WIPI2: variants seen among roughly 807,000 people sequenced by gnomAD.
The protein encoded by WIPI2 is WD repeat domain, phosphoinositide interacting 2, also known as WD repeat domain phosphoinositide-interacting protein 2.
Under a neutral mutation model 52.3 loss-of-function variants are expected in WIPI2, and 28 were observed. That is an observed-to-expected ratio of 0.54 (90% CI 0.40 to 0.73). The LOEUF (loss-of-function observed/expected upper bound fraction) is 0.73. WIPI2 is among the 30% of genes least tolerant of loss of function. The pLI is 0.00. For missense variants in WIPI2, 506 were observed against 602.9 expected (o/e 0.84, Z 1.68); for synonymous variants, 268 against 245.0 (o/e 1.09, Z -0.88).
At chr7:5,211,890 C>A (rs1782580348) in intron 3 of WIPI2, among the ~76,000 whole-genome samples, 1 of 152,178 alleles carries the variant, frequency 6.6e-6, no homozygotes, top group Admixed American at 6.5e-5. Flanking sequence ...CCAGTACTCA[C>A]CAAGGTTGCA....
intron 3 of WIPI2, among the ~76,000 whole-genome samples, chr7:5,212,638 C>G (rs1057254731): frequency 1.3e-5 from 2 of 152,170 alleles, no homozygotes; most frequent in East Asian, 1.9e-4. Context: ...GGATCAGGCA[C>G]TCTTCCTACC....
chr7:5,229,077 G>A (rs1165190624), intron 11 of WIPI2, among the ~76,000 whole-genome samples: 3 of 152,204 alleles, frequency 2.0e-5, no homozygotes, highest in African/African-American at 4.8e-5. Context: ...GTACAGTGGC[G>A]CGATCTCGGC....
In WIPI2 at chr7:5,230,578, C is replaced by G. The variant is rs1323109808; in HGVS notation, c.1253-257C>G. Among the ~76,000 whole-genome samples, 12 of 152,122 alleles carry G rather than the reference C, an allele frequency of 7.9e-5. No individual in the cohort carries two copies. Among genetic ancestry groups the G allele is most frequent in the Admixed American group, 7.9e-4 (12 of 15,270 alleles). Reference sequence around the variant, plus strand: ...AACCAGCTTGAGAGAGTTTGTGGCCCGTCCATGAGGGAGCCTCTGTTTACT... The same window carrying G: ...AACCAGCTTGAGAGAGTTTGTGGCCGGTCCATGAGGGAGCCTCTGTTTACT... On this transcript the variant is annotated intron_variant, in intron 12 of 12. Coordinates refer to ENST00000288828, the MANE Select transcript of WIPI2 (RefSeq NM_015610.4). The surrounding 1 kb of genome is among the most constrained non-coding windows in gnomAD (Gnocchi z 4.8).
intron 3 of WIPI2, among the ~76,000 whole-genome samples, chr7:5,208,990 A>G (rs527607079): frequency 8.1e-5 from 11 of 135,358 alleles, no homozygotes; most frequent in Middle Eastern, 4.0e-3. Flanking sequence ...CTCTTTTTAA[A>G]TTTGTTTTGG....
chr7:5,211,424 A>G lies in WIPI2; in HGVS notation c.212-3111A>G, dbSNP rs187581154. Among the ~76,000 whole-genome samples, 641 of 152,350 alleles carry G rather than the reference A, an allele frequency of 4.2e-3. 13 individuals carry two copies. Among genetic ancestry groups the G allele is most frequent in the East Asian group, 2.7e-3 (14 of 5,190 alleles). On this transcript the variant is annotated intron_variant, in intron 3 of 12. Coordinates refer to ENST00000288828, the MANE Select transcript of WIPI2 (RefSeq NM_015610.4). Reference sequence around the variant, plus strand: ...AAGGCAGAGGTTGCAGTGAGTCGAGATCACGCCATTGCACTCCAGCCTGGG... The same window carrying G: ...AAGGCAGAGGTTGCAGTGAGTCGAGGTCACGCCATTGCACTCCAGCCTGGG...
At chr7:5,217,305 G>T in intron 6 of WIPI2, 118 bp downstream of exon 6, 1 of 1,003,820 alleles carries the variant, frequency 1.0e-6, no homozygotes, top group Non-Finnish European at 1.5e-6. Context: ...GCACTTTTTT[G>T]TTTGTTTGTT....
At chr7:5,213,993 G>A (rs936921611) in intron 3 of WIPI2, among the ~76,000 whole-genome samples, 1 of 152,162 alleles carries the variant, frequency 6.6e-6, no homozygotes, top group African/African-American at 2.4e-5. Flanking sequence ...CCCCTTCAGG[G>A]CATTTCTTAG....
At chr7:5,221,267 C>A (rs1470285910) in intron 7 of WIPI2, among the ~76,000 whole-genome samples, 2 of 152,000 alleles carry the variant, frequency 1.3e-5, no homozygotes, top group African/African-American at 4.8e-5. Context: ...GGCCCACACC[C>A]AGCTAATTCT....
chr7:5,206,524 T>G (rs1370224778), intron 3 of WIPI2, among the ~76,000 whole-genome samples: 1 of 152,258 alleles, frequency 6.6e-6, no homozygotes, highest in Non-Finnish European at 1.5e-5. Flanking sequence ...CTGCTTTTTC[T>G]CATTAACATT....
Position 5,229,713 on chromosome 7 carries a change from C to T in WIPI2, c.1227C>T (p.Tyr409=), listed in dbSNP as rs766283186. Residue 409 remains tyrosine (Y), a synonymous_variant, in exon 12 of 13, where the codon TAC becomes TAT. Coordinates refer to ENST00000288828, the MANE Select transcript of WIPI2 (RefSeq NM_015610.4). ...GCGCAGCTGCAGGAAAAGGTACTTA[C>T]GTGCCTTCATCCCCAACGAGACTTG... ...TYGAAAGKGT[Y]VPSSPTRLAY... The T allele has an allele frequency of 1.2e-5, 20 of 1,613,896 alleles. No homozygotes were observed. The highest frequency in any genetic ancestry group is 2.2e-5 in the East Asian group (1 of 44,894).
chr7:5,203,302 C>G (rs1215966840), intron 3 of WIPI2, among the ~76,000 whole-genome samples: 4 of 152,222 alleles, frequency 2.6e-5, no homozygotes, highest in Non-Finnish European at 4.4e-5. Context: ...TGGCCTAAAT[C>G]TGTGGTGCTG....
chr7:5,227,268 A>G lies in WIPI2; in HGVS notation c.937A>G (p.Met313Val). The change falls in exon 10 of 13, where the codon ATG becomes GTG. Residue 313 changes from methionine to valine, a missense_variant. Met to Val is a conservative substitution (Grantham distance 21). Around this residue, in one of 4 missense-constraint regions of WIPI2, gnomAD observed 237 missense variants for 346.9 expected, o/e 0.68. Transcript: ENST00000288828. The surrounding 1 kb of genome is among the most constrained non-coding windows in gnomAD (Gnocchi z 8.1). ...TSYLPSQVTE[M>V]FNQGRAFATV... ...CTACCTGCCTTCCCAAGTGACAGAA[A>G]TGTTCAACCAGGGCAGAGCCTTCGC... 1 of 1,613,802 alleles carries G rather than the reference A, an allele frequency of 6.2e-7. No individual in the cohort carries two copies. The highest frequency in any genetic ancestry group is 8.5e-7 in the Non-Finnish European group (1 of 1,180,034).
chr7:5,222,823 G>A lies in WIPI2; in HGVS notation c.740+151G>A, dbSNP rs868269434. On this transcript the variant is annotated intron_variant, in intron 8 of 12. Coordinates refer to ENST00000288828, the MANE Select transcript of WIPI2 (RefSeq NM_015610.4). ...GTCACCGGGTAAGATCTGGGCGTCG[G>A]TCTTGTCATGGGAATTGAAGAGCAC... 9 of 727,378 alleles carry A rather than the reference G, an allele frequency of 1.2e-5. No individual in the cohort carries two copies. In the Middle Eastern group the frequency reaches 2.3e-3, roughly 183 times the overall value. The allele number at this position is 727,378 out of a possible 1,614,324, so 45.1% of individuals were successfully genotyped here.
intron 8 of WIPI2, among the ~76,000 whole-genome samples, chr7:5,225,475 G>A (rs976383198): frequency 6.6e-6 from 1 of 152,086 alleles, no homozygotes; most frequent in Admixed American, 6.6e-5. Flanking sequence ...TGAGGTTGCC[G>A]ATTTACCCTC....
rs147331381 is a variant in WIPI2 at position 5,227,552 on chromosome 7, G to T, written c.1013+208G>T. Among the ~76,000 whole-genome samples the T allele has an allele frequency of 1.3e-5, 2 of 152,196 alleles. No homozygotes were observed. The highest frequency in any genetic ancestry group is 4.8e-5 in the African/African-American group (2 of 41,450). The stretch of plus-strand genomic sequence containing the variant: ...GGGGTCCATTTCCAGACGGGCTCCC[G>T]TTCTGTTTTTGTGGATAGTCTGCGG... On this transcript the variant is annotated intron_variant, in intron 10 of 12. Coordinates refer to ENST00000288828, the MANE Select transcript of WIPI2 (RefSeq NM_015610.4). This position sits in a 1 kb window ranked among gnomAD's most constrained non-coding sequence, Gnocchi z 8.1.
At chr7:5,217,825 T>C (rs1782897960) in intron 6 of WIPI2, 97 bp from the exon 7 acceptor site, 1 of 1,175,160 alleles carries the variant, frequency 8.5e-7, no homozygotes, top group South Asian at 1.2e-5. Context: ...AATGGTGTTT[T>C]AGGAACAGCT....
chr7:5,217,091 C>T lies in WIPI2; in HGVS notation c.480C>T (p.Gly160=), dbSNP rs776762694. 1 of 1,611,320 alleles carries T rather than the reference C, an allele frequency of 6.2e-7. No individual in the cohort carries two copies. The part of the protein sequence containing the change: ...TIRETPPNPA[G]LCALSINNDN... ...TCGTCCTCCGTGTGTCATTTGCAGG[C>T]CTGTGTGCGCTGTCAATCAACAACG... The change falls in exon 6 of 13, where the codon GGC becomes GGT. Residue 160 remains glycine, a splice_region_variant and synonymous_variant. Transcript: ENST00000288828.
chr7:5,223,599 C>T (rs1453266902), intron 8 of WIPI2, among the ~76,000 whole-genome samples: 2 of 152,180 alleles, frequency 1.3e-5, no homozygotes, highest in African/African-American at 2.4e-5. Flanking sequence ...TGCCCTGGAG[C>T]CGCTCTTCAC....
intron 9 of WIPI2, chr7:5,226,866 G>T: frequency 3.6e-6 from 1 of 276,574 alleles, no homozygotes. Flanking sequence ...ACCTAGCAGG[G>T]GTCATCAGTT....
Sources: gnomAD v4.1 joint callset for allele counts (sites outside exome capture counted in the v4.1 genomes callset) on GRCh38, gnomAD v4.1.1 for gene constraint, gnomAD v4.1.1 regional missense constraint, Gnocchi (gnomAD v3.1) non-coding constraint, MANE v1.5 for transcripts, NCBI Gene and HGNC (gene_info 2026-07-23, HGNC 2026-07-21) for gene names.